Variants in CSMD1 observed in about 807,000 individuals in gnomAD.
CSMD1 encodes CUB and sushi domain-containing protein 1.
Under a neutral mutation model 417.5 loss-of-function variants are expected in CSMD1, and 213 were observed. That is an observed-to-expected ratio of 0.51 (90% CI 0.46 to 0.57). CSMD1 has a LOEUF of 0.57. CSMD1 is among the 20% of genes least tolerant of loss of function. The pLI is 0.00. For synonymous variants in CSMD1, 2,862 were observed against 1,736.8 expected (o/e 1.65, Z -16.11); for missense variants, 6,923 against 4,529.7 (o/e 1.53, Z -15.17).
chr8:4,967,894 G>A (rs917066902), intron 1 of CSMD1, among the ~76,000 whole-genome samples: 5 of 152,148 alleles, frequency 3.3e-5, no homozygotes, highest in African/African-American at 1.2e-4. Context: ...GTACCATACC[G>A]TGTGTGGAAG....
chr8:3,706,556 T>C (rs35883758), intron 7 of CSMD1, among the ~76,000 whole-genome samples: 82,079 of 152,092 alleles, frequency 0.54, 22,299 homozygotes, highest in Admixed American at 0.6. Context: ...ATTATGCATA[T>C]GTCAATTTGT....
At chr8:3,489,396 C>T (rs142707889) in intron 11 of CSMD1, among the ~76,000 whole-genome samples, 63 of 152,274 alleles carry the variant, frequency 4.1e-4, no homozygotes, top group African/African-American at 1.4e-3. Context: ...GTGCCTGCCA[C>T]CCACAGAACG....
intron 3 of CSMD1, among the ~76,000 whole-genome samples, chr8:4,311,460 C>G (rs763750629): frequency 3.9e-5 from 6 of 152,134 alleles, no homozygotes; most frequent in African/African-American, 1.4e-4. Flanking sequence ...TCGTGGCTCA[C>G]AGCTGTAATC....
At chr8:4,598,830 C>T (rs114885518) in intron 2 of CSMD1, among the ~76,000 whole-genome samples, 4,286 of 151,950 alleles carry the variant, frequency 0.028, 204 homozygotes, top group African/African-American at 0.098. Context: ...ATTGTATTGT[C>T]CAAGCTTATG....
At chr8:4,104,235 A>G (rs114890493) in intron 3 of CSMD1, among the ~76,000 whole-genome samples, 7,627 of 152,332 alleles carry the variant, frequency 0.05, 475 homozygotes, top group East Asian at 0.3. Context: ...GGATACACAT[A>G]GAGACATAGA....
intron 2 of CSMD1, among the ~76,000 whole-genome samples, chr8:4,438,454 G>A (rs1278450290): frequency 6.6e-6 from 1 of 152,154 alleles, no homozygotes; most frequent in Non-Finnish European, 1.5e-5. Context: ...ATGTTAACTG[G>A]GACATGTGGC....
intron 11 of CSMD1, among the ~76,000 whole-genome samples, chr8:3,474,487 A>G (rs1002301622): frequency 1.3e-5 from 2 of 152,176 alleles, no homozygotes; most frequent in African/African-American, 4.8e-5. Flanking sequence ...AAATTTGGTA[A>G]ACAGTAATCT....
At chr8:4,399,139 T>A (rs1020752617) in intron 3 of CSMD1, among the ~76,000 whole-genome samples, 2 of 152,190 alleles carry the variant, frequency 1.3e-5, no homozygotes, top group African/African-American at 4.8e-5. Context: ...ATGGGAATAA[T>A]GATAAAACTT....
intron 38 of CSMD1, 53 bp downstream of exon 38, chr8:3,162,106 T>A (rs1819932577): frequency 8.5e-7 from 1 of 1,172,730 alleles, no homozygotes; most frequent in African/African-American, 1.5e-5. Flanking sequence ...TTAAGAGAGC[T>A]GCACAAAGAT....
At chr8:4,251,958 T>C (rs1035643438) in intron 3 of CSMD1, among the ~76,000 whole-genome samples, 1 of 151,714 alleles carries the variant, frequency 6.6e-6, no homozygotes, top group Non-Finnish European at 1.5e-5. Context: ...GGAAGAAAGA[T>C]GTTCAATGGA....
intron 1 of CSMD1, among the ~76,000 whole-genome samples, chr8:4,882,290 G>A (rs917879281): frequency 6.6e-6 from 1 of 151,740 alleles, no homozygotes; most frequent in East Asian, 2.0e-4. Flanking sequence ...TCTAACTCAC[G>A]TGGCTGAATG....
chr8:3,183,977 A>G (rs940263880), intron 36 of CSMD1, among the ~76,000 whole-genome samples: 7 of 152,172 alleles, frequency 4.6e-5, no homozygotes, highest in Non-Finnish European at 7.3e-5. Context: ...CAGCAGTCAG[A>G]AAACACTTTA....
At chr8:3,953,061 A>T (rs1418786793) in intron 5 of CSMD1, among the ~76,000 whole-genome samples, 1 of 152,156 alleles carries the variant, frequency 6.6e-6, no homozygotes, top group Non-Finnish European at 1.5e-5. Context: ...TGAAAAGAAC[A>T]GAAAAGAAAC....
intron 5 of CSMD1, among the ~76,000 whole-genome samples, chr8:3,980,464 T>G (rs1451401585): frequency 6.6e-6 from 1 of 152,190 alleles, no homozygotes; most frequent in Non-Finnish European, 1.5e-5. Context: ...GTGAAGATTT[T>G]TTTTTGCCAA....
chr8:4,274,587 T>C (rs1054856986), intron 3 of CSMD1, among the ~76,000 whole-genome samples: 14 of 152,146 alleles, frequency 9.2e-5, no homozygotes, highest in African/African-American at 3.4e-4. Context: ...ATTATATCTA[T>C]TCTATTAATA....
intron 2 of CSMD1, among the ~76,000 whole-genome samples, chr8:4,516,431 C>G (rs1157658066): frequency 6.6e-6 from 1 of 152,180 alleles, no homozygotes; most frequent in Non-Finnish European, 1.5e-5. Flanking sequence ...CATGGAAGGC[C>G]TCTGCCCCAG....
chr8:4,328,284 A>C (rs549491428), intron 3 of CSMD1, among the ~76,000 whole-genome samples: 62 of 135,636 alleles, frequency 4.6e-4, no homozygotes, highest in African/African-American at 1.5e-3. Context: ...TTCTCTTCTT[A>C]ACTGTGAATT....
In CSMD1 at chr8:4,367,258, G is replaced by A. The variant is rs1802131038; in HGVS notation, c.415+52695C>T. On this transcript the variant is annotated intron_variant, in intron 3 of 69. Coordinates refer to ENST00000635120, the MANE Select transcript of CSMD1 (RefSeq NM_033225.6). ...GAAGGGGTCCAGTCTCATAAGTCCA[G>A]CCGGGCCAGACTGCATGAGTCTAGA... Among the ~76,000 whole-genome samples, 3 of 152,066 alleles carry A rather than the reference G, an allele frequency of 2.0e-5. No homozygotes were observed. In the South Asian group the frequency reaches 6.2e-4, roughly 31 times the overall value.
chr8:3,380,134 A>G (rs1810543704), intron 18 of CSMD1, among the ~76,000 whole-genome samples: 1 of 152,214 alleles, frequency 6.6e-6, no homozygotes, highest in African/African-American at 2.4e-5. Flanking sequence ...AAACATAAGA[A>G]AAAAAGCTCA....
Sources: gnomAD v4.1 joint callset for allele counts (sites outside exome capture counted in the v4.1 genomes callset) on GRCh38, gnomAD v4.1.1 for gene constraint, MANE v1.5 for transcripts, NCBI Gene and HGNC (gene_info 2026-07-23, HGNC 2026-07-21) for gene names.